The following SENP6 variants were observed in gnomAD, a reference collection of about 807,000 sequenced individuals.
SENP6 encodes sentrin-specific protease 6.
A neutral mutation model predicts 134.5 loss-of-function variants in SENP6; 41 were observed. The observed-to-expected ratio is 0.30, with a 90% confidence interval of 0.24 to 0.40. The LOEUF is 0.40. Among genes scored for constraint, SENP6 ranks in the 10% least tolerant of loss-of-function variants. SENP6 has a pLI of 1.00. For missense variants in SENP6, 1,248 were observed against 1,312.5 expected, an observed-to-expected ratio of 0.95 and a Z score of 0.76; for synonymous variants, 395 against 429.8, an observed-to-expected ratio of 0.92 and a Z score of 1.00.
At chr6:75,710,410 G>A (rs762535177) in intron 20 of SENP6, among the ~76,000 whole-genome samples, 8 of 152,246 alleles carry the variant, frequency 5.3e-5, no homozygotes, top group African/African-American at 1.7e-4. Context: ...GAATCCTACA[G>A]CATACCATTT....
At chr6:75,643,601 A>G (rs748986950) in intron 6 of SENP6, among the ~76,000 whole-genome samples, 8 of 152,214 alleles carry the variant, frequency 5.3e-5, no homozygotes, top group Non-Finnish European at 1.0e-4. Flanking sequence ...ATGCGCCTGT[A>G]ATCCCAGCTA....
chr6:75,669,213 G>A (rs555887384), intron 10 of SENP6, among the ~76,000 whole-genome samples: 137 of 152,170 alleles, frequency 9.0e-4, no homozygotes, highest in Admixed American at 2.4e-3. Context: ...TTAGCCAGGC[G>A]TGGTGGTGTG....
At chr6:75,623,348 C>A (rs754698926) in intron 2 of SENP6, among the ~76,000 whole-genome samples, 1 of 152,052 alleles carries the variant, frequency 6.6e-6, no homozygotes, top group Non-Finnish European at 1.5e-5. Flanking sequence ...TTAATAGATA[C>A]ATTAGTTTAA....
At chr6:75,610,065 A>G (rs1475434952) in intron 1 of SENP6, among the ~76,000 whole-genome samples, 1 of 152,166 alleles carries the variant, frequency 6.6e-6, no homozygotes, top group Non-Finnish European at 1.5e-5. Flanking sequence ...TGGGATTAGA[A>G]GTGTGAGTCA....
chr6:75,663,830 G>GC (rs1771974219), intron 9 of SENP6, among the ~76,000 whole-genome samples: 1 of 147,306 alleles, frequency 6.8e-6, no homozygotes, highest in African/African-American at 2.5e-5. Context: ...GTGGGGGGGG[G>GC]GGTGCCTAAA....
chr6:75,621,836 A>G (rs1472666352), intron 2 of SENP6, among the ~76,000 whole-genome samples: 1 of 152,230 alleles, frequency 6.6e-6, no homozygotes, highest in African/African-American at 2.4e-5. Flanking sequence ...GTATAAATAT[A>G]TGCTTGTAGT....
At chr6:75,609,600 A>G (rs1158580375) in intron 1 of SENP6, among the ~76,000 whole-genome samples, 2 of 152,180 alleles carry the variant, frequency 1.3e-5, no homozygotes, top group Non-Finnish European at 2.9e-5. Flanking sequence ...CAGTCAAAGT[A>G]TTTTTCAACA....
At chr6:75,653,359 A>T (rs992082327) in intron 7 of SENP6, among the ~76,000 whole-genome samples, 9 of 152,144 alleles carry the variant, frequency 5.9e-5, no homozygotes, top group Admixed American at 5.2e-4. Flanking sequence ...GTCAAATAGT[A>T]CATTGTAGTT....
chr6:75,663,629 T>G (rs1771946516), intron 9 of SENP6, 111 bp downstream of exon 9: 2 of 803,796 alleles, frequency 2.5e-6, no homozygotes, highest in Non-Finnish European at 1.9e-6. Context: ...AAATGTGAGC[T>G]TAAAACTAAT....
In SENP6 at chr6:75,663,297, A is replaced by G; in HGVS notation, c.773A>G (p.Gln258Arg). The G allele has an allele frequency of 6.2e-7, 1 of 1,613,678 alleles. No individual in the cohort carries two copies. Among genetic ancestry groups the G allele is most frequent in the Non-Finnish European group, 8.5e-7 (1 of 1,179,682 alleles). Residue 258 changes from glutamine to arginine, a missense_variant, in exon 9 of 24, where the codon CAG becomes CGG. Physicochemically the swap from Gln to Arg is conservative, Grantham distance 43 (BLOSUM62 1). Coordinates refer to ENST00000447266, the MANE Select transcript of SENP6 (RefSeq NM_015571.4). ...CCATTATTAAGAACGTCAATTCATCAGAATTCTGGAGGACAGAAGTCACAA... is the reference window on the plus strand; with the variant it reads ...CCATTATTAAGAACGTCAATTCATCGGAATTCTGGAGGACAGAAGTCACAA... ...TGPLLRTSIH[Q>R]NSGGQKSQNT...
chr6:75,695,769 C>T (rs767792628), intron 16 of SENP6, 35 bp from the exon 17 acceptor site: 3 of 1,487,812 alleles, frequency 2.0e-6, no homozygotes, highest in Non-Finnish European at 1.8e-6. Flanking sequence ...TGAACTGTTA[C>T]ATTAATTATA....
At chr6:75,687,488 T>G (rs1403088361) in intron 16 of SENP6, among the ~76,000 whole-genome samples, 2 of 152,238 alleles carry the variant, frequency 1.3e-5, no homozygotes, top group Admixed American at 1.3e-4. Flanking sequence ...GCTCTGATTT[T>G]TAGAATTTTC....
chr6:75,649,431 T>C (rs912871095), intron 7 of SENP6, among the ~76,000 whole-genome samples: 1 of 152,234 alleles, frequency 6.6e-6, no homozygotes, highest in African/African-American at 2.4e-5. Flanking sequence ...TTCAACAGCA[T>C]TCATTAAGTA....
intron 3 of SENP6, 27 bp downstream of exon 3, chr6:75,623,987 C>A: frequency 1.9e-6 from 3 of 1,559,550 alleles, no homozygotes; most frequent in South Asian, 1.2e-5. Flanking sequence ...ATATTTTCTT[C>A]TTTTACATTA....
intron 3 of SENP6, 79 bp downstream of exon 3, chr6:75,624,039 A>C: frequency 1.7e-6 from 2 of 1,171,502 alleles, no homozygotes; most frequent in Admixed American, 2.2e-5. Context: ...AATATTTTTA[A>C]ATTATAAACC....
chr6:75,636,957 T>C (rs1284803435), intron 5 of SENP6, among the ~76,000 whole-genome samples: 2 of 151,984 alleles, frequency 1.3e-5, no homozygotes, highest in East Asian at 1.9e-4. Flanking sequence ...CATAGCTCAC[T>C]GCAGCCTCAA....
At chr6:75,688,769 T>C (rs925447518) in intron 16 of SENP6, among the ~76,000 whole-genome samples, 6 of 151,634 alleles carry the variant, frequency 4.0e-5, no homozygotes, top group South Asian at 2.1e-4. Flanking sequence ...AAAAAGAAAA[T>C]TTTAATTAGC....
At chr6:75,714,230 C>G (rs1775911851) in intron 23 of SENP6, among the ~76,000 whole-genome samples, 1 of 152,166 alleles carries the variant, frequency 6.6e-6, no homozygotes, top group Non-Finnish European at 1.5e-5. Flanking sequence ...TGGCTTTATC[C>G]TTAACCTTAT....
At position 75,697,520 on chromosome 6, in the gene SENP6, G is replaced by T; in HGVS notation, c.2288+3G>T. On this transcript the variant is annotated splice_donor_region_variant and intron_variant, in intron 18 of 23. Transcript: ENST00000447266. ...ATTTTTGTACCCCTTAATGAAGCGT[G>T]AGTAAGAATTTCCTTTAAAGGAAAA... 1 of 1,597,910 alleles carries T rather than the reference G, an allele frequency of 6.3e-7. No homozygotes were observed. Among genetic ancestry groups the T allele is most frequent in the Non-Finnish European group, 8.6e-7 (1 of 1,167,774 alleles).
Sources: allele counts gnomAD v4.1 joint callset (sites outside exome capture counted in the v4.1 genomes callset), GRCh38; gene constraint gnomAD v4.1.1; transcripts MANE v1.5; gene names NCBI Gene and HGNC (gene_info 2026-07-23, HGNC 2026-07-21).